The following GRHL1 variants were observed in gnomAD, a reference collection of about 807,000 sequenced individuals.
The protein encoded by GRHL1 is grainyhead-like protein 1 homolog.
In GRHL1, 38 loss-of-function variants were observed where a neutral mutation model predicts 75.7. The ratio of observed to expected loss-of-function variants is 0.50; its 90% CI spans 0.39 to 0.66. The LOEUF (loss-of-function observed/expected upper bound fraction) is 0.66, where lower values mean the gene tolerates loss of function less well. Among genes scored for constraint, GRHL1 ranks in the 30% least tolerant of loss-of-function variants. GRHL1 has a pLI of 0.00. For synonymous variants in GRHL1, 266 were observed against 279.4 expected (o/e 0.95, Z 0.48); for missense variants, 589 against 767.5 (o/e 0.77, Z 2.75).
Position 10,001,227 on chromosome 2 carries a change from C to T in GRHL1, c.*520C>T, listed in dbSNP as rs1669256841. The T allele has an allele frequency of 6.6e-6, 1 of 152,670 alleles. No homozygotes were observed. Among genetic ancestry groups the T allele is most frequent in the African/African-American group, 2.4e-5 (1 of 41,438 alleles). 9.5% of individuals were successfully genotyped at this position (152,670 alleles called of 1,614,324 possible). ...CTCTCTCCCTTACCCTCTCACTCTC[C>T]ACCAGATGTTTACTAAACAGGGCAT... On this transcript the variant is annotated 3_prime_UTR_variant, in exon 16 of 16. Coordinates refer to ENST00000324907, the MANE Select transcript of GRHL1 (RefSeq NM_198182.3).
chr2:10,002,169 CTT>C lies in GRHL1; in HGVS notation c.*1465_*1466del, dbSNP rs1268901340. On this transcript the variant is annotated 3_prime_UTR_variant, in exon 16 of 16. Transcript: ENST00000324907. ...AAGATATGGGATATGGGTCATATAA[CTT>C]TTGTATTTTTTATGAAGTTGATTTT... 4 of 152,576 alleles carry C rather than the reference CTT, an allele frequency of 2.6e-5. No individual in the cohort carries two copies. Among genetic ancestry groups the C allele is most frequent in the East Asian group, 1.9e-4 (1 of 5,182 alleles). The allele number at this position is 152,576 out of a possible 1,614,324, so 9.5% of individuals were successfully genotyped here.
intron 7 of GRHL1, 43 bp from the exon 8 acceptor site, chr2:9,965,244 A>G: frequency 2.0e-6 from 2 of 1,008,184 alleles, no homozygotes; most frequent in Non-Finnish European, 3.2e-6. Flanking sequence ...TGTTGAAACT[A>G]AGACTCATGA....
At chr2:9,971,712 C>T (rs1331124090) in intron 8 of GRHL1, among the ~76,000 whole-genome samples, 1 of 152,164 alleles carries the variant, frequency 6.6e-6, no homozygotes, top group South Asian at 2.1e-4. Flanking sequence ...AATGAATAGT[C>T]TTTAGAGTTG....
chr2:9,984,626 A>G (rs1169513478), intron 8 of GRHL1, among the ~76,000 whole-genome samples: 6 of 152,116 alleles, frequency 3.9e-5, no homozygotes, highest in African/African-American at 1.5e-4. Context: ...GAAGGGTGTG[A>G]CATCTCCTGC....
intron 8 of GRHL1, among the ~76,000 whole-genome samples, chr2:9,971,825 T>C (rs935106590): frequency 2.6e-5 from 4 of 152,238 alleles, no homozygotes; most frequent in Non-Finnish European, 5.9e-5. Flanking sequence ...TATTTAGCAA[T>C]TGGACATTTT....
At position 9,987,540 on chromosome 2, in the gene GRHL1, C is replaced by T. The variant is rs544729370; in HGVS notation, c.1269+1258C>T. 1.3e-5 allele frequency among the ~76,000 whole-genome samples: 2 copies of T among 152,304 alleles called. No individual in the cohort carries two copies. Among genetic ancestry groups the T allele is most frequent in the East Asian group, 3.9e-4 (2 of 5,178 alleles). ...TTCACAGCCCTCTTCCCCAAAGGCC[C>T]TTCAATAAGCATGGGGAAGGAGAGG... On this transcript the variant is annotated intron_variant, in intron 9 of 15. Coordinates refer to ENST00000324907, the MANE Select transcript of GRHL1 (RefSeq NM_198182.3). The surrounding 1 kb of genome is among the most constrained non-coding windows in gnomAD (Gnocchi z 4.2).
At position 9,962,463 on chromosome 2, in the gene GRHL1, C is replaced by T; in HGVS notation, c.678C>T (p.Phe226=). 1 of 1,591,556 alleles carries T rather than the reference C, an allele frequency of 6.3e-7. No homozygotes were observed. Among genetic ancestry groups the T allele is most frequent in the South Asian group, 1.1e-5 (1 of 90,630 alleles). ...TCACATTGATATTTCAGGTTTTCTT[C>T]CCCTCGGATCTCAGTCTGCGGATGC... ...TFKEGVQEVF[F]PSDLSLRMPG... The change falls in exon 5 of 16, where the codon TTC becomes TTT. Residue 226 remains phenylalanine (F), a synonymous_variant. Transcript: ENST00000324907.
At chr2:9,959,653 GAA>G (rs1248034178) in intron 3 of GRHL1, 7 of 152,120 alleles carry the variant, frequency 4.6e-5, no homozygotes, top group East Asian at 1.9e-4. Context: ...AATAAAAATA[GAA>G]AAACAGTATA....
In GRHL1 at chr2:9,951,991, C is replaced by A. The variant is rs1666800867; in HGVS notation, c.20+138C>A. 2 of 274,234 alleles carry A rather than the reference C, an allele frequency of 7.3e-6. No homozygotes were observed. The highest frequency in any genetic ancestry group is 1.1e-5 in the Non-Finnish European group (2 of 176,796). The allele number at this position is 274,234 out of a possible 1,614,324, so 17.0% of individuals were successfully genotyped here. ...CGCGAGCCGGGGGCCGCTGTCCACT[C>A]CACGCCGCCACGGCCTTTGCCCCTT... On this transcript the variant is annotated intron_variant, in intron 1 of 15. Coordinates refer to ENST00000324907, the MANE Select transcript of GRHL1 (RefSeq NM_198182.3). The surrounding 1 kb of genome is among the most constrained non-coding windows in gnomAD (Gnocchi z 4.2).
At position 9,992,169 on chromosome 2, in the gene GRHL1, G is replaced by A. The variant is rs1668674058; in HGVS notation, c.1461+23G>A. On this transcript the variant is annotated intron_variant, in intron 11 of 15. Coordinates refer to ENST00000324907, the MANE Select transcript of GRHL1 (RefSeq NM_198182.3). This position sits in a 1 kb window ranked among gnomAD's most constrained non-coding sequence, Gnocchi z 4.6. ...CATGTAGGTAACCAGGATCCCAGGG[G>A]AGGTTACCAGGAAGGAAGGCATGGC... The A allele has an allele frequency of 6.2e-7, 1 of 1,600,104 alleles. No individual in the cohort carries two copies. Among genetic ancestry groups the A allele is most frequent in the African/African-American group, 1.3e-5 (1 of 74,396 alleles).
chr2:9,983,992 T>C (rs1389429728), intron 8 of GRHL1, among the ~76,000 whole-genome samples: 1 of 151,978 alleles, frequency 6.6e-6, no homozygotes, highest in Non-Finnish European at 1.5e-5. Context: ...CTGTCTCTAC[T>C]AAAAATACAA....
chr2:9,955,499 G>A (rs991853956), intron 2 of GRHL1, among the ~76,000 whole-genome samples: 1 of 152,176 alleles, frequency 6.6e-6, no homozygotes, highest in Non-Finnish European at 1.5e-5. Context: ...TGATACTACA[G>A]AGCCTTTGAA....
At chr2:9,985,727 A>C (rs185404778) in intron 8 of GRHL1, among the ~76,000 whole-genome samples, 1 of 152,188 alleles carries the variant, frequency 6.6e-6, no homozygotes, top group African/African-American at 2.4e-5. Context: ...TGTCAACGCA[A>C]ATATAGGTGG....
rs1295881967 is a variant in GRHL1, at chr2:9,968,533, T to C, written c.1110+3152T>C. Among the ~76,000 whole-genome samples, 1 of 152,196 alleles carries C rather than the reference T, an allele frequency of 6.6e-6. No homozygotes were observed. Among genetic ancestry groups the C allele is most frequent in the Admixed American group, 6.5e-5 (1 of 15,284 alleles). ...TTCATTGTGAAATAATCAGTATTCTTCCTGATGCACAGCTGAGATTAGCTG... is the reference window on the plus strand; with the variant it reads ...TTCATTGTGAAATAATCAGTATTCTCCCTGATGCACAGCTGAGATTAGCTG... On this transcript the variant is annotated intron_variant, in intron 8 of 15. Transcript: ENST00000324907. The surrounding 1 kb of genome is among the most constrained non-coding windows in gnomAD (Gnocchi z 4.7).
intron 14 of GRHL1, 75 bp downstream of exon 14, chr2:9,996,476 A>T (rs1558317821): frequency 2.0e-6 from 2 of 996,660 alleles, no homozygotes; most frequent in African/African-American, 3.2e-5. Flanking sequence ...GAAACACTTT[A>T]TCAGATGATC....
intron 15 of GRHL1, among the ~76,000 whole-genome samples, 186 bp downstream of exon 15, chr2:9,999,215 G>A (rs937869312): frequency 5.3e-5 from 8 of 152,188 alleles, no homozygotes; most frequent in African/African-American, 1.2e-4. Context: ...ATCGTGCCCA[G>A]TCCAGAAGCA....
chr2:9,998,837 CGT>C (rs35815324), intron 14 of GRHL1, 126 bp from the exon 15 acceptor site: 1,523 of 85,812 alleles, frequency 0.018, 417 homozygotes, highest in African/African-American at 0.05. Context: ...TATATATATA[CGT>C]ATATATATGT....
Position 9,999,028 on chromosome 2 carries a change from G to A in GRHL1, c.1741G>A (p.Gly581Arg). 6.5e-7 allele frequency: 1 copy of A among 1,549,728 alleles called. No individual in the cohort carries two copies. The highest frequency in any genetic ancestry group is 8.8e-7 in the Non-Finnish European group (1 of 1,136,280). ...IGKIFKKCKK[G>R]ILVNMDDNIV... Reference sequence around the variant, plus strand: ...GAAAATATTCAAGAAGTGTAAAAAGGGGTAAGCAGCCACTGCGTCCTGTGT... The same window carrying A: ...GAAAATATTCAAGAAGTGTAAAAAGAGGTAAGCAGCCACTGCGTCCTGTGT... Residue 581 changes from glycine (G) to arginine (R), a missense_variant and splice_region_variant, in exon 15 of 16, where the codon GGG (glycine) becomes AGG (arginine). Gly to Arg is a moderately radical substitution (Grantham distance 125). Around this residue, in one of 5 missense-constraint regions of GRHL1, gnomAD observed 192 missense variants for 226.6 expected, o/e 0.85. Coordinates refer to ENST00000324907, the MANE Select transcript of GRHL1 (RefSeq NM_198182.3).
intron 8 of GRHL1, among the ~76,000 whole-genome samples, chr2:9,980,677 G>A (rs1668160071): frequency 6.6e-6 from 1 of 152,160 alleles, no homozygotes; most frequent in Non-Finnish European, 1.5e-5. Context: ...AAATAATTGG[G>A]AAGGAAGTAT....
Sources: allele counts gnomAD v4.1 joint callset (sites outside exome capture counted in the v4.1 genomes callset), GRCh38; gene constraint gnomAD v4.1.1; regional missense constraint gnomAD v4.1.1; non-coding constraint Gnocchi (gnomAD v3.1); transcripts MANE v1.5; gene names NCBI Gene and HGNC (gene_info 2026-07-23, HGNC 2026-07-21).